SH3RF3: variants seen among roughly 807,000 people sequenced by gnomAD.
SH3RF3 encodes the protein E3 ubiquitin-protein ligase SH3RF3.
SH3RF3 carries 29 observed loss-of-function variants against 66.3 expected under a neutral mutation model. That is an observed-to-expected ratio of 0.44 (90% confidence interval 0.33 to 0.60). The LOEUF (loss-of-function observed/expected upper bound fraction) is 0.60. SH3RF3 is among the 20% of genes least tolerant of loss of function. The pLI, the probability that SH3RF3 is intolerant of heterozygous loss-of-function variation, is 0.04. For missense variants in SH3RF3, 1,194 were observed against 1,190.9 expected (o/e 1.00, Z -0.04); for synonymous variants, 583 against 532.0 (o/e 1.10, Z -1.32).
intron 3 of SH3RF3, among the ~76,000 whole-genome samples, chr2:109,374,066 C>A (rs1203863581): frequency 2.0e-5 from 3 of 152,170 alleles, no homozygotes; most frequent in Non-Finnish European, 4.4e-5. Flanking sequence ...CCTTAAAGCC[C>A]TCCTCCCTCA....
chr2:109,251,138 G>T (rs532270844), intron 1 of SH3RF3, among the ~76,000 whole-genome samples: 1 of 152,022 alleles, frequency 6.6e-6, no homozygotes, highest in Non-Finnish European at 1.5e-5. Context: ...CAGTAGCTGG[G>T]ATTACAGGCA....
chr2:109,396,564 G>A (rs1020136769), intron 3 of SH3RF3, among the ~76,000 whole-genome samples: 2 of 152,152 alleles, frequency 1.3e-5, no homozygotes, highest in Non-Finnish European at 2.9e-5. Flanking sequence ...TGGGTTTTTT[G>A]TTTTTGTTTT....
intron 8 of SH3RF3, among the ~76,000 whole-genome samples, chr2:109,478,987 C>T (rs544483700): frequency 2.0e-5 from 3 of 152,242 alleles, no homozygotes; most frequent in East Asian, 1.9e-4. Context: ...CTGCAGGTTT[C>T]GAGATTTGCT....
At chr2:109,221,583 A>G (rs1189007529) in intron 1 of SH3RF3, among the ~76,000 whole-genome samples, 3 of 115,694 alleles carry the variant, frequency 2.6e-5, no homozygotes, top group African/African-American at 4.5e-5. Flanking sequence ...CTCCATCTCA[A>G]AAAAAAAAAA....
chr2:109,387,892 C>T (rs1010656119), intron 3 of SH3RF3, among the ~76,000 whole-genome samples: 1 of 152,118 alleles, frequency 6.6e-6, no homozygotes, highest in Non-Finnish European at 1.5e-5. Flanking sequence ...CCCATCCACC[C>T]GCACACGGCC....
intron 7 of SH3RF3, among the ~76,000 whole-genome samples, chr2:109,439,701 A>C (rs1210989897): frequency 6.6e-6 from 1 of 152,164 alleles, no homozygotes; most frequent in African/African-American, 2.4e-5. Context: ...TAGCAGGAGT[A>C]AGAGCCCAGC....
At chr2:109,445,920 G>A (rs1180179228) in intron 7 of SH3RF3, among the ~76,000 whole-genome samples, 2 of 152,156 alleles carry the variant, frequency 1.3e-5, no homozygotes, top group African/African-American at 4.8e-5. Context: ...AATGAACTGA[G>A]TGAGGGCTCA....
Position 109,347,716 on chromosome 2 carries a change from G to T in SH3RF3, c.616G>T (p.Glu206Ter). The part of the protein sequence containing the change: ...LPYGKALYSY[E>*]GKEPGDLKFN... ...CTATGGCAAGGCCCTCTACAGCTAC[G>T]AGGGGAAGGAACCTGGTGACCTCAA... Residue 206 changes from glutamate (E) to a stop codon, truncating the protein, a stop_gained, in exon 2 of 10, where the codon GAG becomes TAG. Transcript: ENST00000309415. LOFTEE classifies it high-confidence loss of function. 1 of 1,613,858 alleles carries T rather than the reference G, an allele frequency of 6.2e-7. No homozygotes were observed. Among genetic ancestry groups the T allele is most frequent in the East Asian group, 2.2e-5 (1 of 44,862 alleles).
At chr2:109,395,141 T>C (rs1461427193) in intron 3 of SH3RF3, among the ~76,000 whole-genome samples, 2 of 152,238 alleles carry the variant, frequency 1.3e-5, no homozygotes, top group African/African-American at 4.8e-5. Context: ...TAGCAGTGCC[T>C]GGGACTCCGC....
chr2:109,349,083 C>G (rs2105567823), intron 2 of SH3RF3, among the ~76,000 whole-genome samples: 1 of 152,274 alleles, frequency 6.6e-6, no homozygotes, highest in East Asian at 1.9e-4. Context: ...AGAATTCTAA[C>G]TCGAATCTCT....
At chr2:109,498,098 AGC>A (rs1679297850) in intron 9 of SH3RF3, among the ~76,000 whole-genome samples, 1 of 152,186 alleles carries the variant, frequency 6.6e-6, no homozygotes, top group Non-Finnish European at 1.5e-5. Flanking sequence ...GCCAGCAGGA[AGC>A]CCTCACAGAG....
intron 3 of SH3RF3, among the ~76,000 whole-genome samples, chr2:109,377,265 C>T (rs370715692): frequency 1.3e-5 from 2 of 152,100 alleles, no homozygotes; most frequent in Non-Finnish European, 2.9e-5. Flanking sequence ...CGTGGGCCAG[C>T]GGGGCGTTGG....
chr2:109,197,534 C>T (rs148164584), intron 1 of SH3RF3, among the ~76,000 whole-genome samples: 18 of 152,360 alleles, frequency 1.2e-4, no homozygotes, highest in Non-Finnish European at 7.3e-5. Context: ...CATATTCCCA[C>T]AGCCACCCTT....
In SH3RF3 at chr2:109,482,573, C is replaced by T. The variant is rs572475444; in HGVS notation, c.2149-8032C>T. On this transcript the variant is annotated intron_variant, in intron 8 of 9. Coordinates refer to ENST00000309415, the MANE Select transcript of SH3RF3 (RefSeq NM_001099289.3). ...CATCCAAACCCACTCCCGCGCCCAG[C>T]CCGGGGCCATGACCCCTAAGAGGGG... Among the ~76,000 whole-genome samples the T allele has an allele frequency of 1.9e-4, 29 of 152,334 alleles. No homozygotes were observed. In the South Asian group the frequency reaches 3.1e-3, roughly 16 times the overall value.
In SH3RF3 at chr2:109,490,600, C is replaced by A; in HGVS notation, c.2149-5C>A. On this transcript the variant is annotated splice_region_variant and splice_polypyrimidine_tract_variant and intron_variant, in intron 8 of 9. Coordinates refer to ENST00000309415, the MANE Select transcript of SH3RF3 (RefSeq NM_001099289.3). ...GTTTGGTTTCCATCTTGTGTGTCTC[C>A]CCAGAAAGAGAAGAAGAGTGGGCTC... is the stretch of plus-strand genomic sequence containing the variant. 7.0e-7 allele frequency: 1 copy of A among 1,430,764 alleles called. No individual in the cohort carries two copies. Among genetic ancestry groups the A allele is most frequent in the Non-Finnish European group, 9.2e-7 (1 of 1,090,230 alleles). The allele number at this position is 1,430,764 out of a possible 1,614,324, so 88.6% of individuals were successfully genotyped here.
In SH3RF3 at chr2:109,367,119, A is replaced by ATTTTT. The variant is rs150005222; in HGVS notation, c.850-4447_850-4443dup. Among the ~76,000 whole-genome samples, 604 of 113,310 alleles carry ATTTTT rather than the reference A, an allele frequency of 5.3e-3. 10 individuals carry two copies. The highest frequency in any genetic ancestry group is 0.014 in the African/African-American group (417 of 29,020). 74.3% of individuals were successfully genotyped at this position (113,310 alleles called of 152,430 possible). Reference sequence around the variant, plus strand: ...AGGCATATGCCACTGTGCCCTGGTAATTTTTTTTTTTTTTTTTTTTTTTTA... The same window carrying ATTTTT: ...AGGCATATGCCACTGTGCCCTGGTAATTTTTTTTTTTTTTTTTTTTTTTTTTTTTA... On this transcript the variant is annotated intron_variant, in intron 2 of 9. Transcript: ENST00000309415.
intron 1 of SH3RF3, among the ~76,000 whole-genome samples, chr2:109,162,854 G>T (rs1047880088): frequency 2.1e-5 from 3 of 146,196 alleles, no homozygotes; most frequent in African/African-American, 7.6e-5. Context: ...TCTCACCTTG[G>T]TATTGCAGGG....
rs201434796 is a variant in SH3RF3, at chr2:109,501,615, C to T, written c.2593C>T (p.Leu865=). 3 of 778,962 alleles carry T rather than the reference C, an allele frequency of 3.9e-6. No homozygotes were observed. Among genetic ancestry groups the T allele is most frequent in the Admixed American group, 1.7e-5 (1 of 58,800 alleles). The allele number at this position is 778,962 out of a possible 1,614,324, so 48.3% of individuals were successfully genotyped here. A position where few individuals can be genotyped will look rare whatever the true frequency, so the allele number is the denominator to read the frequency against. The change falls in exon 10 of 10, where the codon CTG becomes TTG. Residue 865 remains leucine, a synonymous_variant. Coordinates refer to ENST00000309415, the MANE Select transcript of SH3RF3 (RefSeq NM_001099289.3). Reference sequence around the variant, plus strand: ...TGAGGACGGCTGGTACAAGGGGACCCTGCAGCGGAACGGCCGCACAGGCCT... The same window carrying T: ...TGAGGACGGCTGGTACAAGGGGACCTTGCAGCGGAACGGCCGCACAGGCCT... The part of the protein sequence containing the change: ...KREDGWYKGT[L]QRNGRTGLFP...
intron 1 of SH3RF3, among the ~76,000 whole-genome samples, chr2:109,135,259 C>T (rs75852859): frequency 2.6e-5 from 4 of 152,298 alleles, no homozygotes; most frequent in African/African-American, 9.6e-5. Context: ...TGTCTGAAGC[C>T]CACACACAGG....
Sources: gnomAD v4.1 joint callset for allele counts (sites outside exome capture counted in the v4.1 genomes callset) on GRCh38, gnomAD v4.1.1 for gene constraint, MANE v1.5 for transcripts, NCBI Gene and HGNC (gene_info 2026-07-23, HGNC 2026-07-21) for gene names.